Variants in BMPER observed in about 807,000 individuals in gnomAD.
BMPER encodes BMP binding endothelial regulator, also known as BMP-binding endothelial regulator protein.
In BMPER, 45 loss-of-function variants were observed where a neutral mutation model predicts 87.3. That is an observed-to-expected ratio of 0.52 (90% CI 0.41 to 0.66). The LOEUF (loss-of-function observed/expected upper bound fraction) is 0.66. Ranked by LOEUF, BMPER falls within the 30% of genes least tolerant of loss-of-function variation. BMPER has a pLI of 0.00. For missense variants in BMPER, 784 were observed against 867.5 expected (o/e 0.90, Z 1.21); for synonymous variants, 326 against 316.2 (o/e 1.03, Z -0.33).
At chr7:34,068,960 A>G (rs908669295) in intron 11 of BMPER, among the ~76,000 whole-genome samples, 12 of 152,180 alleles carry the variant, frequency 7.9e-5, no homozygotes, top group Admixed American at 4.6e-4. Flanking sequence ...GCCTCCCTGG[A>G]TTTTTGCTTG....
chr7:34,029,086 A>G (rs1219597707), intron 6 of BMPER, among the ~76,000 whole-genome samples: 1 of 152,056 alleles, frequency 6.6e-6, no homozygotes, highest in Non-Finnish European at 1.5e-5. Context: ...GGAAGGTAGA[A>G]TACTCAATGG....
At chr7:33,955,269 T>C (rs2128614491) in intron 3 of BMPER, among the ~76,000 whole-genome samples, 1 of 152,306 alleles carries the variant, frequency 6.6e-6, no homozygotes, top group South Asian at 2.1e-4. Context: ...CTACCCATGC[T>C]TCAAATGTAA....
At position 34,132,885 on chromosome 7, in the gene BMPER, G is replaced by A. The variant is rs144350399; in HGVS notation, c.1746-10345G>A. Among the ~76,000 whole-genome samples, 434 of 152,216 alleles carry A rather than the reference G, an allele frequency of 2.9e-3. 2 individuals are homozygous for A. Among genetic ancestry groups the A allele is most frequent in the African/African-American group, 0.01 (417 of 41,536 alleles). The stretch of plus-strand genomic sequence containing the variant: ...CTGATGGTATTACCACCTCAGACTT[G>A]GTAGATGTGAAATGTGTATATTGAA... On this transcript the variant is annotated intron_variant, in intron 13 of 14. Coordinates refer to ENST00000649409, the MANE Select transcript of BMPER (RefSeq NM_001365308.1).
chr7:33,958,670 G>T (rs535640311), intron 3 of BMPER, among the ~76,000 whole-genome samples: 1 of 152,318 alleles, frequency 6.6e-6, no homozygotes, highest in African/African-American at 2.4e-5. Context: ...TTAGAGTAAG[G>T]CAGAAGAGTG....
At chr7:34,095,571 G>A (rs1313823948) in intron 13 of BMPER, among the ~76,000 whole-genome samples, 1 of 152,148 alleles carries the variant, frequency 6.6e-6, no homozygotes, top group African/African-American at 2.4e-5. Context: ...CATTTTGTAT[G>A]CAAATGAAAT....
At chr7:33,996,417 A>C (rs1021872222) in intron 6 of BMPER, among the ~76,000 whole-genome samples, 3 of 152,180 alleles carry the variant, frequency 2.0e-5, no homozygotes, top group African/African-American at 7.2e-5. Context: ...AAACCCAAAT[A>C]TTTTAAGCCT....
intron 6 of BMPER, among the ~76,000 whole-genome samples, chr7:34,012,604 G>A (rs1255746410): frequency 6.6e-6 from 1 of 151,780 alleles, no homozygotes; most frequent in African/African-American, 2.4e-5. Flanking sequence ...GAGTGCAGTT[G>A]GGTGAGATGG....
intron 2 of BMPER, among the ~76,000 whole-genome samples, chr7:33,911,136 A>G (rs1783952286): frequency 6.6e-6 from 1 of 152,240 alleles, no homozygotes; most frequent in Non-Finnish European, 1.5e-5. Context: ...GATGCTCACT[A>G]AGGAAGCAAT....
intron 6 of BMPER, among the ~76,000 whole-genome samples, chr7:34,028,803 A>T (rs1414134666): frequency 6.6e-6 from 1 of 151,612 alleles, no homozygotes; most frequent in Admixed American, 6.6e-5. Flanking sequence ...GCCTGTGTAG[A>T]GTAAACACAA....
chr7:34,102,016 G>C (rs186629029), intron 13 of BMPER, among the ~76,000 whole-genome samples: 1 of 152,300 alleles, frequency 6.6e-6, no homozygotes, highest in Admixed American at 6.5e-5. Context: ...AGTGGTTAAA[G>C]TTGTAACACA....
intron 6 of BMPER, among the ~76,000 whole-genome samples, chr7:33,994,350 A>G (rs138061999): frequency 1.3e-5 from 2 of 152,156 alleles, no homozygotes. Context: ...CCGTCGGAAA[A>G]GCGCGGTATT....
intron 6 of BMPER, among the ~76,000 whole-genome samples, chr7:33,989,566 G>A (rs1786136806): frequency 6.6e-6 from 1 of 152,086 alleles, no homozygotes; most frequent in Non-Finnish European, 1.5e-5. Flanking sequence ...TTTGTAGGTT[G>A]CCTGTTCACT....
At chr7:33,920,472 C>A (rs1328564764) in intron 2 of BMPER, among the ~76,000 whole-genome samples, 2 of 129,378 alleles carry the variant, frequency 1.5e-5, no homozygotes, top group South Asian at 2.6e-4. Flanking sequence ...ATGGCCCAGG[C>A]TGGAGTACAG....
At chr7:34,110,832 A>G (rs1369161395) in intron 13 of BMPER, among the ~76,000 whole-genome samples, 2 of 152,234 alleles carry the variant, frequency 1.3e-5, no homozygotes, top group African/African-American at 2.4e-5. Context: ...ATGAAGAATT[A>G]GGTATGGAAC....
intron 13 of BMPER, among the ~76,000 whole-genome samples, chr7:34,135,155 TAGGG>T (rs1790688948): frequency 6.6e-6 from 1 of 152,080 alleles, no homozygotes; most frequent in South Asian, 2.1e-4. Flanking sequence ...GTATATAAGG[TAGGG>T]ACAGTGGGCA....
chr7:33,953,544 G>A (rs769154380), intron 3 of BMPER, among the ~76,000 whole-genome samples: 2 of 152,128 alleles, frequency 1.3e-5, no homozygotes, highest in African/African-American at 2.4e-5. Context: ...AGGACTGCTT[G>A]TAAAATACTC....
intron 13 of BMPER, among the ~76,000 whole-genome samples, chr7:34,130,869 G>A (rs769880825): frequency 1.2e-4 from 19 of 152,246 alleles, no homozygotes; most frequent in Admixed American, 3.3e-4. Flanking sequence ...AGAAGGAACA[G>A]CATGTGCTTT....
intron 13 of BMPER, among the ~76,000 whole-genome samples, chr7:34,107,206 C>G (rs969052434): frequency 6.6e-6 from 1 of 152,206 alleles, no homozygotes; most frequent in Non-Finnish European, 1.5e-5. Context: ...CCTGGCATTG[C>G]AGACTTCCAG....
intron 3 of BMPER, among the ~76,000 whole-genome samples, chr7:33,939,369 CT>C (rs1784691617): frequency 6.6e-6 from 1 of 152,160 alleles, no homozygotes; most frequent in African/African-American, 2.4e-5. Flanking sequence ...TAAGCCTCTT[CT>C]AACCAATCTG....
Sources: gnomAD v4.1 joint callset for allele counts (sites outside exome capture counted in the v4.1 genomes callset) on GRCh38, gnomAD v4.1.1 for gene constraint, MANE v1.5 for transcripts, NCBI Gene and HGNC (gene_info 2026-07-23, HGNC 2026-07-21) for gene names.